NRG3: variants seen among roughly 807,000 people sequenced by gnomAD.
NRG3 encodes pro-neuregulin-3, membrane-bound isoform.
NRG3 carries 31 observed loss-of-function variants against 66.9 expected under a neutral mutation model. The ratio of observed to expected loss-of-function variants is 0.46; its 90% CI spans 0.35 to 0.63. NRG3 has a LOEUF of 0.63. Ranked by LOEUF, NRG3 falls within the 20% of genes least tolerant of loss-of-function variation. The pLI is 0.00. For missense variants in NRG3, 910 were observed against 878.9 expected (o/e 1.04, Z -0.45); for synonymous variants, 393 against 359.4 (o/e 1.09, Z -1.06).
At chr10:82,040,488 T>C (rs764002522) in intron 1 of NRG3, among the ~76,000 whole-genome samples, 5 of 151,074 alleles carry the variant, frequency 3.3e-5, no homozygotes, top group Non-Finnish European at 7.4e-5. Context: ...AAAATCTCTC[T>C]CTTGGCACCC....
chr10:82,889,657 G>A (rs1279279063), intron 4 of NRG3, among the ~76,000 whole-genome samples: 5 of 152,162 alleles, frequency 3.3e-5, no homozygotes, highest in Admixed American at 1.3e-4. Flanking sequence ...AACTTGTGCA[G>A]CCCTGCTTCC....
chr10:82,484,027 A>T (rs561355518), intron 2 of NRG3, among the ~76,000 whole-genome samples: 1 of 152,332 alleles, frequency 6.6e-6, no homozygotes, highest in East Asian at 1.9e-4. Context: ...AGCTTTTTAA[A>T]ATTGTATTTG....
chr10:82,194,169 G>T (rs1002541266), intron 1 of NRG3, among the ~76,000 whole-genome samples: 4 of 152,090 alleles, frequency 2.6e-5, no homozygotes, highest in Admixed American at 6.5e-5. Flanking sequence ...CACTGACCTT[G>T]TCAGAACAGC....
chr10:82,504,304 G>A (rs1243653126), intron 2 of NRG3, among the ~76,000 whole-genome samples: 2 of 152,300 alleles, frequency 1.3e-5, no homozygotes, highest in East Asian at 3.9e-4. Flanking sequence ...ATAAAGCAAT[G>A]GGACACATTG....
At chr10:82,821,405 A>G (rs935680627) in intron 3 of NRG3, among the ~76,000 whole-genome samples, 5 of 152,152 alleles carry the variant, frequency 3.3e-5, no homozygotes, top group East Asian at 1.9e-4. Context: ...ACTGCCTTCA[A>G]AATTTAAAGC....
chr10:82,217,321 C>T (rs1416898418), intron 1 of NRG3, among the ~76,000 whole-genome samples: 2 of 152,168 alleles, frequency 1.3e-5, no homozygotes, highest in Non-Finnish European at 2.9e-5. Flanking sequence ...TCGCTCTTAA[C>T]ACACTTCTTA....
intron 2 of NRG3, among the ~76,000 whole-genome samples, chr10:82,432,616 T>C (rs939423963): frequency 6.6e-6 from 1 of 151,824 alleles, no homozygotes; most frequent in Admixed American, 6.6e-5. Context: ...CCTCCTGTCA[T>C]CCCACACCCT....
chr10:82,471,551 T>C (rs1841264245), intron 2 of NRG3, among the ~76,000 whole-genome samples: 1 of 152,180 alleles, frequency 6.6e-6, no homozygotes. Context: ...ATAGGCTTAC[T>C]TTTTCTCAAA....
At chr10:82,595,418 C>G (rs1249807598) in intron 2 of NRG3, among the ~76,000 whole-genome samples, 1 of 152,194 alleles carries the variant, frequency 6.6e-6, no homozygotes, top group Non-Finnish European at 1.5e-5. Flanking sequence ...TTAGCTCTGA[C>G]TGCTTTAGAG....
chr10:82,956,851 T>C (rs1850097282), intron 5 of NRG3, among the ~76,000 whole-genome samples: 1 of 151,986 alleles, frequency 6.6e-6, no homozygotes, highest in Admixed American at 6.5e-5. Context: ...CAATAGGCTA[T>C]AGATTAGCTG....
chr10:82,335,045 A>G (rs2082319416), intron 1 of NRG3, among the ~76,000 whole-genome samples: 1 of 152,182 alleles, frequency 6.6e-6, no homozygotes. Context: ...CTTTACTTCA[A>G]CTGAATTTCA....
chr10:82,123,603 C>G (rs963737084), intron 1 of NRG3, among the ~76,000 whole-genome samples: 3 of 152,166 alleles, frequency 2.0e-5, no homozygotes, highest in Admixed American at 2.0e-4. Flanking sequence ...CTCAAACAGT[C>G]TCCCTGCAAA....
chr10:82,345,226 G>C (rs887312743), intron 1 of NRG3, among the ~76,000 whole-genome samples: 208 of 140,898 alleles, frequency 1.5e-3, no homozygotes, highest in Non-Finnish European at 2.5e-3. Flanking sequence ...AATCCATCTT[G>C]AATTCATTTT....
intron 1 of NRG3, among the ~76,000 whole-genome samples, chr10:82,307,765 C>G (rs1164315635): frequency 6.7e-6 from 1 of 148,846 alleles, no homozygotes; most frequent in Non-Finnish European, 1.5e-5. Context: ...TTTTTTTTTT[C>G]CTGTCATTTA....
At chr10:82,192,136 C>CA (rs1481431969) in intron 1 of NRG3, among the ~76,000 whole-genome samples, 4 of 152,104 alleles carry the variant, frequency 2.6e-5, no homozygotes, top group African/African-American at 9.7e-5. Context: ...GGGGAAACGC[C>CA]AGACTCCCCC....
At chr10:82,142,628 T>C (rs904344196) in intron 1 of NRG3, among the ~76,000 whole-genome samples, 2 of 152,118 alleles carry the variant, frequency 1.3e-5, no homozygotes, top group Non-Finnish European at 2.9e-5. Flanking sequence ...CATTATAAAC[T>C]GTAAGGAAGA....
intron 2 of NRG3, among the ~76,000 whole-genome samples, chr10:82,407,921 T>C (rs1276457567): frequency 2.0e-5 from 3 of 151,452 alleles, no homozygotes; most frequent in Admixed American, 6.6e-5. Flanking sequence ...ATACAAAAAT[T>C]AGTCAGGCAT....
At chr10:82,850,504 A>G (rs1045110315) in intron 3 of NRG3, among the ~76,000 whole-genome samples, 5 of 152,224 alleles carry the variant, frequency 3.3e-5, no homozygotes, top group South Asian at 2.1e-4. Context: ...GTCAACCTGA[A>G]AAAAGAAAAA....
intron 1 of NRG3, among the ~76,000 whole-genome samples, chr10:81,919,599 G>T (rs1189736222): frequency 6.6e-6 from 1 of 152,160 alleles, no homozygotes; most frequent in Non-Finnish European, 1.5e-5. Context: ...TTGTATTAAA[G>T]ATGGGGTGGA....
Sources: allele counts gnomAD v4.1 joint callset (sites outside exome capture counted in the v4.1 genomes callset), GRCh38; gene constraint gnomAD v4.1.1; transcripts MANE v1.5; gene names NCBI Gene and HGNC (gene_info 2026-07-23, HGNC 2026-07-21).